SLA: variants seen among roughly 807,000 people sequenced by gnomAD.
SLA encodes Src like adaptor, also known as src-like-adapter.
In SLA, 16 loss-of-function variants were observed where a neutral mutation model predicts 30.3. The observed-to-expected ratio is 0.53, with a 90% CI of 0.36 to 0.80. The LOEUF (loss-of-function observed/expected upper bound fraction) is 0.80. Ranked by LOEUF, SLA falls within the 30% of genes least tolerant of loss-of-function variation. SLA has a pLI of 0.01. For missense variants in SLA, 310 were observed against 345.2 expected (o/e 0.90, Z 0.81); for synonymous variants, 143 against 137.8 (o/e 1.04, Z -0.26).
intron 3 of SLA, among the ~76,000 whole-genome samples, chr8:133,051,706 C>T (rs1187905797): frequency 1.3e-5 from 2 of 152,172 alleles, no homozygotes; most frequent in Admixed American, 6.5e-5. Flanking sequence ...CTGAGCGATA[C>T]GTCTGCTTCT....
At chr8:133,071,801 G>A (rs999918550) in intron 2 of SLA, among the ~76,000 whole-genome samples, 48 of 152,122 alleles carry the variant, frequency 3.2e-4, no homozygotes, top group African/African-American at 1.1e-3. Context: ...CACATACCAC[G>A]ATTTGTCCTT....
chr8:133,087,440 G>T (rs879594138), intron 1 of SLA, among the ~76,000 whole-genome samples: 5 of 152,128 alleles, frequency 3.3e-5, no homozygotes, highest in East Asian at 3.9e-4. Context: ...CTCCCTCGGG[G>T]TGTGAGGGGA....
Position 133,047,932 on chromosome 8 carries a change from A to G in SLA, c.250T>C (p.Trp84Arg), listed in dbSNP as rs769887175. The change falls in exon 6 of 9, where the codon TGG becomes CGG. Residue 84 changes from tryptophan (W) to arginine (R), a missense_variant and splice_region_variant. Physicochemically the swap from Trp to Arg is moderately radical, Grantham distance 101 (BLOSUM62 -3). Coordinates refer to ENST00000338087, the MANE Select transcript of SLA (RefSeq NM_001045556.3). ...GICVARVYHG[W>R]LFEGLGRDKA... is the part of the protein sequence containing the mutation. ...TCTCTGCCCAGGCCCTCAAACAGCC[A>G]GCTGGGAAGGAGGAAGACAGCCATT... The G allele has an allele frequency of 2.5e-6, 4 of 1,599,774 alleles. No individual in the cohort carries two copies. Among genetic ancestry groups the G allele is most frequent in the Non-Finnish European group, 3.4e-6 (4 of 1,168,886 alleles).
chr8:133,065,383 C>T (rs2703008), intron 2 of SLA, among the ~76,000 whole-genome samples: 115,721 of 152,188 alleles, frequency 0.76, 44,200 homozygotes, highest in South Asian at 0.82. Flanking sequence ...TGCTCTAACT[C>T]GCCACCAGTG....
chr8:133,080,234 G>T (rs1845542635), intron 1 of SLA, among the ~76,000 whole-genome samples: 1 of 152,202 alleles, frequency 6.6e-6, no homozygotes, highest in African/African-American at 2.4e-5. Flanking sequence ...GGAGCAGACA[G>T]AAAGGAAAGG....
chr8:133,096,159 G>A (rs761778333), intron 1 of SLA: 1 of 1,605,730 alleles, frequency 6.2e-7, no homozygotes. Flanking sequence ...GCAAAGCAGT[G>A]CAACTGATTA....
At chr8:133,053,057 C>T (rs1261134820) in intron 3 of SLA, among the ~76,000 whole-genome samples, 2 of 152,214 alleles carry the variant, frequency 1.3e-5, no homozygotes, top group African/African-American at 2.4e-5. Context: ...TTGCCAGGCA[C>T]CCTGGTTCTC....
At chr8:133,043,204 C>T (rs1216051892) in intron 7 of SLA, among the ~76,000 whole-genome samples, 2 of 152,072 alleles carry the variant, frequency 1.3e-5, no homozygotes, top group African/African-American at 4.8e-5. Context: ...GAGATATTCC[C>T]CATGGTCAAG....
At chr8:133,070,944 A>G (rs963513708) in intron 2 of SLA, among the ~76,000 whole-genome samples, 1 of 152,160 alleles carries the variant, frequency 6.6e-6, no homozygotes, top group Non-Finnish European at 1.5e-5. Flanking sequence ...TGTTTCCCCT[A>G]ATTTTATCTA....
chr8:133,038,691 C>T lies in SLA; in HGVS notation c.664G>A (p.Glu222Lys), dbSNP rs200563412. The change falls in exon 9 of 9, where the codon GAG becomes AAG. Residue 222 changes from glutamate (E) to lysine (K), a missense_variant. Physicochemically the swap from Glu to Lys is moderately conservative, Grantham distance 56 (BLOSUM62 1). Transcript: ENST00000338087. Reference protein sequence around the residue: ...EGTENPLGVDESLFSYGLRES... With the variant: ...EGTENPLGVDKSLFSYGLRES... Reference sequence around the variant, plus strand: ...CGAAGGCCATAGCTGAAAAGGGACTCGTCTACCCCAAGCGGGTTCTCTGTT... The same window carrying T: ...CGAAGGCCATAGCTGAAAAGGGACTTGTCTACCCCAAGCGGGTTCTCTGTT... 2.7e-5 allele frequency: 44 copies of T among 1,613,922 alleles called. 1 individual carries two copies. The highest frequency in any genetic ancestry group is 6.7e-5 in the Admixed American group (4 of 59,972).
intron 2 of SLA, chr8:133,063,830 G>T (rs1012342591): frequency 4.6e-5 from 7 of 152,194 alleles, no homozygotes; most frequent in African/African-American, 7.2e-5. Flanking sequence ...ATCTGAAAGA[G>T]GCTTTTATTT....
intron 1 of SLA, among the ~76,000 whole-genome samples, chr8:133,078,632 C>T (rs4736624): frequency 0.26 from 38,915 of 152,074 alleles, 5,261 homozygotes; most frequent in African/African-American, 0.31. Context: ...AGACGCTATG[C>T]ATGTAACTGT....
chr8:133,049,173 C>G, intron 5 of SLA: 1 of 456,556 alleles, frequency 2.2e-6, no homozygotes, highest in Non-Finnish European at 4.4e-6. Flanking sequence ...GCAGAGGCCT[C>G]ACTGGAACGA....
At chr8:133,060,249 C>T (rs1389608696) in intron 2 of SLA, 49 bp from the exon 3 acceptor site, 1 of 1,611,534 alleles carries the variant, frequency 6.2e-7, no homozygotes, top group Admixed American at 1.7e-5. Flanking sequence ...CCTGAGCCCT[C>T]CAAGTGGAGA....
chr8:133,097,379 G>A (rs1381475518), intron 1 of SLA, among the ~76,000 whole-genome samples: 7 of 152,142 alleles, frequency 4.6e-5, no homozygotes, highest in Non-Finnish European at 4.4e-5. Flanking sequence ...ATTGATTGTG[G>A]CATTGATTAT....
intron 1 of SLA, chr8:133,096,421 G>A: frequency 1.2e-6 from 2 of 1,610,118 alleles, no homozygotes; most frequent in Non-Finnish European, 1.7e-6. Context: ...CATTTCCTAA[G>A]GGCTCTGGAC....
chr8:133,066,219 G>A (rs915693814), intron 2 of SLA, among the ~76,000 whole-genome samples: 2 of 151,724 alleles, frequency 1.3e-5, no homozygotes, highest in African/African-American at 4.9e-5. Context: ...CCAGCTACTT[G>A]GGAGGCTGAG....
chr8:133,098,288 CAT>C (rs1461941008), intron 1 of SLA, among the ~76,000 whole-genome samples: 1 of 152,192 alleles, frequency 6.6e-6, no homozygotes, highest in African/African-American at 2.4e-5. Flanking sequence ...AAATTATATA[CAT>C]GTGTACTCTT....
At chr8:133,041,823 C>G (rs1280071350) in intron 7 of SLA, among the ~76,000 whole-genome samples, 1 of 139,204 alleles carries the variant, frequency 7.2e-6, no homozygotes, top group Non-Finnish European at 1.5e-5. Context: ...GAGTCTTGCT[C>G]TGTCTCCAGG....
Sources: gnomAD v4.1 joint callset for allele counts (sites outside exome capture counted in the v4.1 genomes callset) on GRCh38, gnomAD v4.1.1 for gene constraint, MANE v1.5 for transcripts, NCBI Gene and HGNC (gene_info 2026-07-23, HGNC 2026-07-21) for gene names.